RARA: variants seen among roughly 807,000 people sequenced by gnomAD.
RARA encodes PML-DDX5-RARA fusion.
In RARA, 5 loss-of-function variants were observed where a neutral mutation model predicts 42.8. That is an observed-to-expected ratio of 0.12 (90% CI 0.06 to 0.25). The LOEUF (loss-of-function observed/expected upper bound fraction) is 0.25. Among genes scored for constraint, RARA ranks in the 10% least tolerant of loss-of-function variants. The probability of loss-of-function intolerance (pLI) is 1.00; values close to 1 mark genes in which losing one functional copy is unlikely to be tolerated. For missense variants in RARA, 402 were observed against 628.7 expected (o/e 0.64, Z 3.86); for synonymous variants, 256 against 259.5 (o/e 0.99, Z 0.13).
chr17:40,326,292 C>T lies in RARA; in HGVS notation c.-362-4565C>T, dbSNP rs1270085117. ...TGGTCTGGGTGCTTTCCAGGACTTC[C>T]TGTCTGAAATCGCACAGCTCGTTGT... On this transcript the variant is annotated intron_variant, in intron 1 of 8. Transcript: ENST00000254066. The surrounding 1 kb of genome is among the most constrained non-coding windows in gnomAD (Gnocchi z 5.2). Among the ~76,000 whole-genome samples the T allele has an allele frequency of 1.3e-5, 2 of 152,212 alleles. No individual in the cohort carries two copies. Among genetic ancestry groups the T allele is most frequent in the Non-Finnish European group, 2.9e-5 (2 of 68,048 alleles).
At chr17:40,310,485 G>C (rs972441250) in intron 1 of RARA, among the ~76,000 whole-genome samples, 1 of 152,114 alleles carries the variant, frequency 6.6e-6, no homozygotes, top group Non-Finnish European at 1.5e-5. Flanking sequence ...GTCCCCATCT[G>C]GTAGCTCTGT....
intron 2 of RARA, chr17:40,342,941 G>A (rs1462477385): frequency 5.9e-6 from 9 of 1,538,376 alleles, no homozygotes; most frequent in South Asian, 3.6e-5. Flanking sequence ...CTACTCGGGG[G>A]TGAGAGTCCC....
At chr17:40,319,648 A>G (rs2033317418) in intron 1 of RARA, among the ~76,000 whole-genome samples, 1 of 150,514 alleles carries the variant, frequency 6.6e-6, no homozygotes, top group Non-Finnish European at 1.5e-5. Context: ...TGCAGTCTTC[A>G]TAGGGCAAGA....
In RARA at chr17:40,349,778, A is replaced by T; in HGVS notation, c.328-6A>T. 1 of 1,613,926 alleles carries T rather than the reference A, an allele frequency of 6.2e-7. No individual in the cohort carries two copies. Among genetic ancestry groups the T allele is most frequent in the Non-Finnish European group, 8.5e-7 (1 of 1,179,896 alleles). On this transcript the variant is annotated splice_polypyrimidine_tract_variant and splice_region_variant and intron_variant, in intron 3 of 8. Coordinates refer to ENST00000254066, the MANE Select transcript of RARA (RefSeq NM_000964.4). ...GACAACCTGACTCCCTCCCCTCCAT[A>T]CCCAGGGCTTCTTCCGCCGCAGCAT...
At chr17:40,329,914 T>A (rs530509137) in intron 1 of RARA, among the ~76,000 whole-genome samples, 36 of 152,360 alleles carry the variant, frequency 2.4e-4, no homozygotes, top group African/African-American at 8.7e-4. Context: ...GGATATGTTC[T>A]TCGTGTTCTC....
At position 40,331,230 on chromosome 17, in the gene RARA, C is replaced by T. The variant is rs2033681765; in HGVS notation, c.12C>T (p.Asn4=). The change falls in exon 2 of 9, where the codon AAC becomes AAT. Residue 4 remains asparagine, a synonymous_variant. Coordinates refer to ENST00000254066, the MANE Select transcript of RARA (RefSeq NM_000964.4). MAS[N]SSSCPTPGGG... ...TGTGGCCGCTTGGCATGGCCAGCAA[C>T]AGCAGCTCCTGCCCGACACCTGGGG... The T allele has an allele frequency of 1.2e-6, 2 of 1,611,632 alleles. No homozygotes were observed. The highest frequency in any genetic ancestry group is 2.7e-5 in the African/African-American group (2 of 75,044).
chr17:40,327,657 T>C (rs2033582699), intron 1 of RARA, among the ~76,000 whole-genome samples: 1 of 152,206 alleles, frequency 6.6e-6, no homozygotes, highest in Non-Finnish European at 1.5e-5. Context: ...TCCAGGTTCC[T>C]TCTCCTCACA....
chr17:40,319,534 C>A (rs1337807249), intron 1 of RARA, among the ~76,000 whole-genome samples: 5 of 151,230 alleles, frequency 3.3e-5, no homozygotes, highest in African/African-American at 1.2e-4. Context: ...CCGACCCCCC[C>A]ACCCCCTGCT....
chr17:40,333,868 C>G (rs1438343569), intron 2 of RARA, among the ~76,000 whole-genome samples: 1 of 152,166 alleles, frequency 6.6e-6, no homozygotes, highest in Admixed American at 6.5e-5. Context: ...AACTCCTGAG[C>G]TCAAGCAGTC....
intron 1 of RARA, among the ~76,000 whole-genome samples, chr17:40,315,171 T>TATACAC (rs1247793097): frequency 1.4e-4 from 11 of 76,566 alleles, no homozygotes; most frequent in African/African-American, 3.5e-4. Context: ...TATATATATA[T>TATACAC]ACACACACAC....
intron 1 of RARA, among the ~76,000 whole-genome samples, chr17:40,316,833 G>A (rs2033224357): frequency 6.6e-6 from 1 of 152,170 alleles, no homozygotes; most frequent in African/African-American, 2.4e-5. Flanking sequence ...CTGGGCGGGA[G>A]GTTCGCACCG....
At chr17:40,322,657 C>T (rs921472876) in intron 1 of RARA, among the ~76,000 whole-genome samples, 2 of 151,908 alleles carry the variant, frequency 1.3e-5, no homozygotes, top group Admixed American at 1.3e-4. Flanking sequence ...GCCCAGGAAT[C>T]GAGACTTGAG....
intron 1 of RARA, among the ~76,000 whole-genome samples, chr17:40,330,481 C>G (rs1284718216): frequency 6.6e-6 from 1 of 152,112 alleles, no homozygotes; most frequent in East Asian, 1.9e-4. Context: ...CCTCCCTCTT[C>G]CCCCCCAGCA....
chr17:40,338,706 C>CA (rs34668171), intron 2 of RARA, among the ~76,000 whole-genome samples: 16,178 of 52,020 alleles, frequency 0.31, 2,498 homozygotes, highest in African/African-American at 0.5. Flanking sequence ...GACTTGGACT[C>CA]AAAAAAAAAA....
At position 40,355,192 on chromosome 17, in the gene RARA, G is replaced by A. The variant is rs1313955162; in HGVS notation, c.1013-71G>A. The A allele has an allele frequency of 4.0e-6, 6 of 1,490,182 alleles. No individual in the cohort carries two copies. Among genetic ancestry groups the A allele is most frequent in the African/African-American group, 2.8e-5 (2 of 71,378 alleles). The allele number at this position is 1,490,182 out of a possible 1,614,324, so 92.3% of individuals were successfully genotyped here. A position where few individuals can be genotyped will look rare whatever the true frequency, so the allele number is the denominator to read the frequency against. On this transcript the variant is annotated intron_variant, in intron 7 of 8. Coordinates refer to ENST00000254066, the MANE Select transcript of RARA (RefSeq NM_000964.4). This position sits in a 1 kb window ranked among gnomAD's most constrained non-coding sequence, Gnocchi z 4.1. ...CCTCCTCCATGGCCTGGGCAGGCAC[G>A]CCCCCCGGTGGCCGAGGCTGGGGGT...
Position 40,351,845 on chromosome 17 carries a change from G to C in RARA, c.470-65G>C, listed in dbSNP as rs1172755071. On this transcript the variant is annotated intron_variant, in intron 4 of 8. Coordinates refer to ENST00000254066, the MANE Select transcript of RARA (RefSeq NM_000964.4). This position sits in a 1 kb window ranked among gnomAD's most constrained non-coding sequence, Gnocchi z 4.1. ...TCAGCAGCTGGCAGCTCTCTGTCAG[G>C]CTGGGGGTGGACGAGGCCCTGAGCA... 1.3e-6 allele frequency: 2 copies of C among 1,564,988 alleles called. No individual in the cohort carries two copies. Among genetic ancestry groups the C allele is most frequent in the East Asian group, 4.5e-5 (2 of 43,996 alleles).
chr17:40,323,602 A>G (rs1049974052), intron 1 of RARA, among the ~76,000 whole-genome samples: 10 of 151,722 alleles, frequency 6.6e-5, no homozygotes, highest in Admixed American at 6.6e-5. Flanking sequence ...GGGGAAGGCC[A>G]TGGGGATCTG....
chr17:40,357,334 GCACA>G lies in RARA; in HGVS notation c.*1115_*1118del, dbSNP rs536023561. The G allele has an allele frequency of 1.2e-4, 27 of 234,144 alleles. 1 individual carries two copies. The highest frequency in any genetic ancestry group is 7.9e-4 in the East Asian group (13 of 16,520). 14.5% of individuals were successfully genotyped at this position (234,144 alleles called of 1,614,324 possible). A position where few individuals can be genotyped will look rare whatever the true frequency, so the allele number is the denominator to read the frequency against. On this transcript the variant is annotated 3_prime_UTR_variant, in exon 9 of 9. Transcript: ENST00000254066. ...CCAGACACCACACACATGCGCGTGC[GCACA>G]CACACAAACACACACACACTGGACA...
At chr17:40,342,756 G>A (rs2034115287) in intron 2 of RARA, 1 of 1,612,710 alleles carries the variant, frequency 6.2e-7, no homozygotes, top group Non-Finnish European at 8.5e-7. Context: ...CTTCCTAGTG[G>A]TGGATTTTTA....
Sources: allele counts gnomAD v4.1 joint callset (sites outside exome capture counted in the v4.1 genomes callset), GRCh38; gene constraint gnomAD v4.1.1; non-coding constraint Gnocchi (gnomAD v3.1); transcripts MANE v1.5; gene names NCBI Gene and HGNC (gene_info 2026-07-23, HGNC 2026-07-21).